The following FUT6 variants were observed in gnomAD, a reference collection of about 807,000 sequenced individuals.
FUT6 encodes the protein fucosyltransferase 6.
For synonymous variants in FUT6, 187 were observed against 209.9 expected, an observed-to-expected ratio of 0.89 and a Z score of 0.94; for missense variants, 454 against 494.6, an observed-to-expected ratio of 0.92 and a Z score of 0.78.
Position 5,833,581 on chromosome 19 carries a change from G to T in FUT6, c.-12-1002C>A, listed in dbSNP as rs531709596. 7.3e-4 allele frequency among the ~76,000 whole-genome samples: 110 copies of T among 149,886 alleles called. 1 individual carries two copies. Among genetic ancestry groups the T allele is most frequent in the African/African-American group, 2.7e-3 (109 of 40,722 alleles). The stretch of plus-strand genomic sequence containing the variant: ...GGAGGCTGAAGGTGGATCACTTGAG[G>T]TCAGGAGTTCGAGGCCAGCCTGGCC... On this transcript the variant is annotated intron_variant, in intron 2 of 2. Transcript: ENST00000318336.
chr19:5,831,613 A>T lies in FUT6; in HGVS notation c.955T>A (p.Phe319Ile). 1.2e-6 allele frequency: 2 copies of T among 1,614,034 alleles called. No individual in the cohort carries two copies. The highest frequency in any genetic ancestry group is 2.2e-5 in the South Asian group (2 of 91,070). Residue 319 changes from phenylalanine (F) to isoleucine (I), a missense_variant, in exon 3 of 3, where the codon TTT becomes ATT. Transcript: ENST00000318336. The surrounding 1 kb of genome is among the most constrained non-coding windows in gnomAD (Gnocchi z 7.0). ...DKDHARYLSY[F>I]RWRETLRPRS... ...GGCCGCAGCGTCTCCCGCCAGCGAA[A>T]GTAGCTCAGGTAGCGGGCGTGGTCC... is the stretch of plus-strand genomic sequence containing the variant.
At chr19:5,836,300 C>G (rs138092143) in intron 1 of FUT6, among the ~76,000 whole-genome samples, 20 of 151,974 alleles carry the variant, frequency 1.3e-4, no homozygotes, top group Non-Finnish European at 2.6e-4. Context: ...ACTGCAACCT[C>G]CGCCTCCCGG....
chr19:5,832,893 A>C lies in FUT6; in HGVS notation c.-12-314T>G. The stretch of plus-strand genomic sequence containing the variant: ...CTGTCCTTTTCTGGTGTGTCCCCAG[A>C]CTCTTCCTCAATCTGGAGAGAAGAC... On this transcript the variant is annotated intron_variant, in intron 2 of 2. Coordinates refer to ENST00000318336, the MANE Select transcript of FUT6 (RefSeq NM_000150.4). This position sits in a 1 kb window ranked among gnomAD's most constrained non-coding sequence, Gnocchi z 4.3. 3 of 370,226 alleles carry C rather than the reference A, an allele frequency of 8.1e-6. No homozygotes were observed. The highest frequency in any genetic ancestry group is 1.0e-5 in the Non-Finnish European group (2 of 199,968). The allele number at this position is 370,226 out of a possible 1,614,324, so 22.9% of individuals were successfully genotyped here.
intron 1 of FUT6, among the ~76,000 whole-genome samples, chr19:5,836,426 G>A (rs1411690091): frequency 6.6e-6 from 1 of 152,058 alleles, no homozygotes; most frequent in Non-Finnish European, 1.5e-5. Flanking sequence ...ATGTTGTCCA[G>A]GCTGGTCTTG....
Position 5,832,844 on chromosome 19 carries a change from G to A in FUT6, c.-12-265C>T, listed in dbSNP as rs946378400. 5.9e-6 allele frequency: 3 copies of A among 510,056 alleles called. No individual in the cohort carries two copies. Among genetic ancestry groups the A allele is most frequent in the African/African-American group, 3.8e-5 (2 of 52,080 alleles). The allele number at this position is 510,056 out of a possible 1,614,324, so 31.6% of individuals were successfully genotyped here. A position where few individuals can be genotyped will look rare whatever the true frequency, so the allele number is the denominator to read the frequency against. On this transcript the variant is annotated intron_variant, in intron 2 of 2. Transcript: ENST00000318336. This position sits in a 1 kb window ranked among gnomAD's most constrained non-coding sequence, Gnocchi z 4.3. ...CTGGGGAAGTTGGGAGAGGCCCCAA[G>A]GGCCCTCAGGTCCCACCTTGATCCT... is the stretch of plus-strand genomic sequence containing the variant.
At chr19:5,837,098 C>T (rs890690923) in intron 1 of FUT6, among the ~76,000 whole-genome samples, 11 of 151,932 alleles carry the variant, frequency 7.2e-5, no homozygotes, top group Non-Finnish European at 1.6e-4. Flanking sequence ...AGCACAGTGG[C>T]GTGATCTTGG....
In FUT6 at chr19:5,831,328, C is replaced by G; in HGVS notation, c.*160G>C. 1.3e-6 allele frequency: 2 copies of G among 1,564,490 alleles called. No homozygotes were observed. The highest frequency in any genetic ancestry group is 1.7e-6 in the Non-Finnish European group (2 of 1,143,896). On this transcript the variant is annotated 3_prime_UTR_variant, in exon 3 of 3. Transcript: ENST00000318336. The surrounding 1 kb of genome is among the most constrained non-coding windows in gnomAD (Gnocchi z 7.0). The stretch of plus-strand genomic sequence containing the variant: ...AAAGTGAGGACCCAGGTAGGTGAAT[C>G]CCCAGGCAGGTGAAGCTGCAACAGG...
At chr19:5,835,871 C>T (rs922052394) in intron 1 of FUT6, among the ~76,000 whole-genome samples, 4 of 152,120 alleles carry the variant, frequency 2.6e-5, no homozygotes, top group South Asian at 2.1e-4. Flanking sequence ...ACCATGCTGT[C>T]GGAAAAACAG....
intron 1 of FUT6, among the ~76,000 whole-genome samples, chr19:5,835,350 A>G (rs1302815526): frequency 6.6e-6 from 1 of 152,108 alleles, no homozygotes; most frequent in African/African-American, 2.4e-5. Flanking sequence ...AGAGACACCT[A>G]TGTGTCCTGC....
intron 1 of FUT6, among the ~76,000 whole-genome samples, chr19:5,836,193 C>A (rs188543315): frequency 3.3e-5 from 3 of 91,888 alleles, no homozygotes. Context: ...TGTGCCCGGC[C>A]TGGCTAATGT....
At position 5,832,490 on chromosome 19, in the gene FUT6, C is replaced by T. The variant is rs1311786985; in HGVS notation, c.78G>A (p.Met26Ile). The change falls in exon 3 of 3, where the codon ATG becomes ATA. Residue 26 changes from methionine (M) to isoleucine (I), a missense_variant. Physicochemically the swap from Met to Ile is conservative, Grantham distance 10 (BLOSUM62 1). Coordinates refer to ENST00000318336, the MANE Select transcript of FUT6 (RefSeq NM_000150.4). The surrounding 1 kb of genome is among the most constrained non-coding windows in gnomAD (Gnocchi z 4.3). Reference protein sequence around the residue: ...CLTTLLFQLLMAVCFFSYLRV... With the variant: ...CLTTLLFQLLIAVCFFSYLRV... ...GCAGATAGGAGAAGAAACACACAGC[C>T]ATCAGCAGCTGAAACAGCAGCGTGG... is the stretch of plus-strand genomic sequence containing the variant. 1 of 1,613,792 alleles carries T rather than the reference C, an allele frequency of 6.2e-7. No individual in the cohort carries two copies. The highest frequency in any genetic ancestry group is 8.5e-7 in the Non-Finnish European group (1 of 1,179,996).
chr19:5,836,741 A>T (rs890602428), intron 1 of FUT6, among the ~76,000 whole-genome samples: 1 of 152,140 alleles, frequency 6.6e-6, no homozygotes, highest in Non-Finnish European at 1.5e-5. Context: ...GCTACTCAGG[A>T]TGCTGAGGCA....
At position 5,831,905 on chromosome 19, in the gene FUT6, G is replaced by C. The variant is rs1485437921; in HGVS notation, c.663C>G (p.Tyr221Ter). The C allele has an allele frequency of 2.5e-6, 4 of 1,613,980 alleles. No homozygotes were observed. Among genetic ancestry groups the C allele is most frequent in the Non-Finnish European group, 3.4e-6 (4 of 1,179,874 alleles). Residue 221 changes from tyrosine (Y) to a stop codon, truncating the protein, a stop_gained, in exon 3 of 3, where the codon TAC (tyrosine) becomes TAG (stop). Transcript: ENST00000318336. LOFTEE classifies it low-confidence loss of function (END_TRUNC). The surrounding 1 kb of genome is among the most constrained non-coding windows in gnomAD (Gnocchi z 7.0). ...SLQAHLKVDV[Y>*]GRSHKPLPQG... is the part of the protein sequence containing the mutation. Reference sequence around the variant, plus strand: ...GGGGCAGGGGCTTGTGGGAGCGTCCGTACACGTCCACCTTGAGATGGGCCT... The same window carrying C: ...GGGGCAGGGGCTTGTGGGAGCGTCCCTACACGTCCACCTTGAGATGGGCCT...
At chr19:5,833,615 G>A (rs1484907875) in intron 2 of FUT6, among the ~76,000 whole-genome samples, 1 of 151,450 alleles carries the variant, frequency 6.6e-6, no homozygotes, top group Non-Finnish European at 1.5e-5. Flanking sequence ...CCAACGTGGT[G>A]AAACCCATCT....
In FUT6 at chr19:5,839,571, T is replaced by C. The variant is rs1599655837; in HGVS notation, c.-1035A>G. Reference sequence around the variant, plus strand: ...TGGTAGGCTGGGCACAGGTCCCATATTGGTGGCAGAAGCTTCCTCCGGTGG... The same window carrying C: ...TGGTAGGCTGGGCACAGGTCCCATACTGGTGGCAGAAGCTTCCTCCGGTGG... On this transcript the variant is annotated 5_prime_UTR_variant, in exon 1 of 3. Coordinates refer to ENST00000318336, the MANE Select transcript of FUT6 (RefSeq NM_000150.4). 6.6e-6 allele frequency: 1 copy of C among 152,252 alleles called. No individual in the cohort carries two copies. Among genetic ancestry groups the C allele is most frequent in the African/African-American group, 2.4e-5 (1 of 41,430 alleles). The allele number at this position is 152,252 out of a possible 1,614,324, so 9.4% of individuals were successfully genotyped here.
rs141945646 is a variant in FUT6 at position 5,831,901 on chromosome 19, G to A, written c.667C>T (p.Arg223Cys). ...QAHLKVDVYGRSHKPLPQGTM... is the reference protein window; with the variant it reads ...QAHLKVDVYGCSHKPLPQGTM... ...CCCTGGGGCAGGGGCTTGTGGGAGCGTCCGTACACGTCCACCTTGAGATGG... is the reference window on the plus strand; with the variant it reads ...CCCTGGGGCAGGGGCTTGTGGGAGCATCCGTACACGTCCACCTTGAGATGG... The change falls in exon 3 of 3, where the codon CGC becomes TGC. Residue 223 changes from arginine (R) to cysteine (C), a missense_variant. Coordinates refer to ENST00000318336, the MANE Select transcript of FUT6 (RefSeq NM_000150.4). The surrounding 1 kb of genome is among the most constrained non-coding windows in gnomAD (Gnocchi z 7.0). 11 of 1,613,822 alleles carry A rather than the reference G, an allele frequency of 6.8e-6. No homozygotes were observed. The highest frequency in any genetic ancestry group is 4.5e-5 in the East Asian group (2 of 44,880).
intron 1 of FUT6, chr19:5,838,427 G>A (rs985464349): frequency 1.3e-5 from 2 of 152,328 alleles, no homozygotes; most frequent in African/African-American, 4.8e-5. Context: ...AAATCAGCCA[G>A]ACCTCCCATA....
chr19:5,833,065 C>A (rs373307836), intron 2 of FUT6, among the ~76,000 whole-genome samples: 4 of 152,118 alleles, frequency 2.6e-5, no homozygotes, highest in African/African-American at 9.7e-5. Flanking sequence ...GTGCTCCTGG[C>A]AGAGGAAACC....
rs758920738 is a variant in FUT6, at chr19:5,832,081, C to T, written c.487G>A (p.Asp163Asn). Residue 163 changes from aspartate (D) to asparagine (N), a missense_variant, in exon 3 of 3, where the codon GAC (aspartate) becomes AAC (asparagine). Coordinates refer to ENST00000318336, the MANE Select transcript of FUT6 (RefSeq NM_000150.4). The surrounding 1 kb of genome is among the most constrained non-coding windows in gnomAD (Gnocchi z 4.3). Reference protein sequence around the residue: ...NLTMSYRSDSDIFTPYGWLEP... With the variant: ...NLTMSYRSDSNIFTPYGWLEP... ...AGCCAGCCGTAGGGCGTGAAGATGT[C>T]GGAGTCGCTGCGGTAGGACATGGTG... 15 of 1,613,694 alleles carry T rather than the reference C, an allele frequency of 9.3e-6. No individual in the cohort carries two copies. The highest frequency in any genetic ancestry group is 8.0e-5 in the African/African-American group (6 of 74,934).
Sources: gnomAD v4.1 joint callset for allele counts (sites outside exome capture counted in the v4.1 genomes callset) on GRCh38, gnomAD v4.1.1 for gene constraint, Gnocchi (gnomAD v3.1) non-coding constraint, MANE v1.5 for transcripts, NCBI Gene and HGNC (gene_info 2026-07-23, HGNC 2026-07-21) for gene names.